PLCL2: variants seen among roughly 807,000 people sequenced by gnomAD.
PLCL2 encodes phospholipase C like 2, also known as inactive phospholipase C-like protein 2.
Under a neutral mutation model 79.6 loss-of-function variants are expected in PLCL2, and 4 were observed. The ratio of observed to expected loss-of-function variants is 0.05; its 90% confidence interval spans 0.02 to 0.11. PLCL2 has a LOEUF of 0.11. Among genes scored for constraint, PLCL2 ranks in the 10% least tolerant of loss-of-function variants. The probability of loss-of-function intolerance (pLI) is 1.00; values close to 1 mark genes in which losing one functional copy is unlikely to be tolerated. For missense variants in PLCL2, 895 were observed against 1,291.0 expected, an observed-to-expected ratio of 0.69 and a Z score of 4.70; for synonymous variants, 484 against 457.7, an observed-to-expected ratio of 1.06 and a Z score of -0.73.
chr3:16,964,921 C>T (rs1390567093), intron 1 of PLCL2, among the ~76,000 whole-genome samples: 1 of 152,034 alleles, frequency 6.6e-6, no homozygotes, highest in Non-Finnish European at 1.5e-5. Context: ...TGGATATTAG[C>T]CCTTTGTCAG....
At chr3:16,926,996 A>G (rs1386243719) in intron 1 of PLCL2, among the ~76,000 whole-genome samples, 2 of 152,086 alleles carry the variant, frequency 1.3e-5, no homozygotes, top group African/African-American at 2.4e-5. Context: ...AAAAATATTT[A>G]TTTGCTAGTT....
Position 16,958,561 on chromosome 3 carries a change from T to A in PLCL2, c.328-51113T>A, listed in dbSNP as rs1022269181. ...TGGCATGTAATTGAAATGAGTGACA[T>A]TTTGGATGATGAAACAAATATTAGA... is the stretch of plus-strand genomic sequence containing the variant. On this transcript the variant is annotated intron_variant, in intron 1 of 5. Coordinates refer to ENST00000615277, the MANE Select transcript of PLCL2 (RefSeq NM_001144382.2). Among the ~76,000 whole-genome samples the A allele has an allele frequency of 2.6e-5, 4 of 152,312 alleles. No individual in the cohort carries two copies. The East Asian group carries it at 7.7e-4, about 29-fold the overall frequency.
intron 5 of PLCL2, among the ~76,000 whole-genome samples, chr3:17,076,564 G>C (rs772323575): frequency 6.6e-6 from 1 of 152,016 alleles, no homozygotes; most frequent in African/African-American, 2.4e-5. Context: ...GTGCAGTGGC[G>C]TGAACACTAC....
intron 1 of PLCL2, among the ~76,000 whole-genome samples, chr3:16,973,738 C>G (rs558870532): frequency 2.6e-5 from 4 of 152,182 alleles, no homozygotes; most frequent in Non-Finnish European, 5.9e-5. Context: ...ATTCATTCAG[C>G]AAATTTTTAT....
intron 5 of PLCL2, among the ~76,000 whole-genome samples, chr3:17,082,284 C>T (rs1304530295): frequency 6.6e-6 from 1 of 151,506 alleles, no homozygotes; most frequent in South Asian, 2.1e-4. Context: ...GCTGGGTTTA[C>T]AGGCACCCGC....
intron 1 of PLCL2, among the ~76,000 whole-genome samples, chr3:16,906,867 G>A (rs889667566): frequency 6.6e-6 from 1 of 152,146 alleles, no homozygotes; most frequent in Non-Finnish European, 1.5e-5. Flanking sequence ...GAAACTGTTT[G>A]TTTACTCTGT....
intron 3 of PLCL2, among the ~76,000 whole-genome samples, chr3:17,035,100 A>C (rs2064631269): frequency 6.6e-6 from 1 of 152,150 alleles, no homozygotes; most frequent in African/African-American, 2.4e-5. Context: ...CTTTCATCTC[A>C]GCCACTACCT....
chr3:16,898,520 G>A (rs968092418), intron 1 of PLCL2, among the ~76,000 whole-genome samples: 2 of 152,228 alleles, frequency 1.3e-5, no homozygotes, highest in African/African-American at 4.8e-5. Flanking sequence ...GGAAGCAAGA[G>A]AGTGAAATAG....
chr3:17,049,300 A>G (rs114331026), intron 4 of PLCL2, among the ~76,000 whole-genome samples: 5,206 of 152,324 alleles, frequency 0.034, 170 homozygotes, highest in Admixed American at 0.11. Flanking sequence ...GGCTTAAAAA[A>G]TGTCAAGGTA....
chr3:16,989,527 T>G (rs925932877), intron 1 of PLCL2, among the ~76,000 whole-genome samples: 2 of 152,194 alleles, frequency 1.3e-5, no homozygotes, highest in Non-Finnish European at 2.9e-5. Flanking sequence ...GTGGAAATGA[T>G]AGTATTTTGG....
At chr3:16,926,858 T>A (rs1223838030) in intron 1 of PLCL2, among the ~76,000 whole-genome samples, 1 of 152,102 alleles carries the variant, frequency 6.6e-6, no homozygotes, top group African/African-American at 2.4e-5. Context: ...CTCGGTCTCC[T>A]GACCTTGTGA....
intron 5 of PLCL2, among the ~76,000 whole-genome samples, chr3:17,074,045 AT>A (rs1259813440): frequency 1.3e-5 from 2 of 152,226 alleles, no homozygotes; most frequent in Admixed American, 1.3e-4. Flanking sequence ...GCGTCTTAGA[AT>A]GGTGAATCCT....
intron 5 of PLCL2, among the ~76,000 whole-genome samples, chr3:17,085,051 A>G (rs544591825): frequency 6.6e-6 from 1 of 152,354 alleles, no homozygotes; most frequent in Admixed American, 6.5e-5. Flanking sequence ...TGACAAAAAA[A>G]TCTCCTCGAA....
chr3:16,899,472 T>C (rs543493866), intron 1 of PLCL2, among the ~76,000 whole-genome samples: 8 of 152,254 alleles, frequency 5.3e-5, no homozygotes, highest in East Asian at 1.9e-4. Context: ...TGGACACTAG[T>C]TGGGGAGCTG....
At chr3:16,971,512 G>A (rs1245425116) in intron 1 of PLCL2, among the ~76,000 whole-genome samples, 1 of 152,140 alleles carries the variant, frequency 6.6e-6, no homozygotes, top group African/African-American at 2.4e-5. Flanking sequence ...TTTTGGCTTA[G>A]GATTGACTTG....
intron 4 of PLCL2, among the ~76,000 whole-genome samples, chr3:17,066,494 T>C (rs1215672269): frequency 6.6e-6 from 1 of 152,246 alleles, no homozygotes; most frequent in African/African-American, 2.4e-5. Context: ...GAAATGGTGT[T>C]GCATAGAAAG....
chr3:16,942,290 T>C (rs2063555503), intron 1 of PLCL2, among the ~76,000 whole-genome samples: 1 of 152,220 alleles, frequency 6.6e-6, no homozygotes, highest in Non-Finnish European at 1.5e-5. Context: ...TAGGCGAAAG[T>C]GAGCTCTTTT....
intron 2 of PLCL2, 41 bp from the exon 3 acceptor site, chr3:17,014,667 C>T (rs765127455): frequency 2.1e-6 from 3 of 1,455,274 alleles, no homozygotes; most frequent in African/African-American, 1.4e-5. Context: ...AAAGTAAAAC[C>T]CCCAGTTAAT....
intron 1 of PLCL2, among the ~76,000 whole-genome samples, chr3:16,954,709 G>A (rs567849230): frequency 0.014 from 2,184 of 152,162 alleles, 62 homozygotes; most frequent in African/African-American, 0.05. Context: ...ACTTTTTAAT[G>A]ATTGCCATTC....
Sources: gnomAD v4.1 joint callset for allele counts (sites outside exome capture counted in the v4.1 genomes callset) on GRCh38, gnomAD v4.1.1 for gene constraint, MANE v1.5 for transcripts, NCBI Gene and HGNC (gene_info 2026-07-23, HGNC 2026-07-21) for gene names.